The following RP1 variants were observed in gnomAD, a reference collection of about 807,000 sequenced individuals.
The protein encoded by RP1 is RP1 axonemal microtubule associated, also known as oxygen-regulated protein 1.
A neutral mutation model predicts 14.8 loss-of-function variants in RP1; 16 were observed. The observed-to-expected ratio is 1.08, with a 90% confidence interval of 0.73 to 1.65. RP1 has a LOEUF of 1.65. RP1 is among the 40% of genes most tolerant of loss of function. RP1 has a pLI of 0.00. For synonymous variants in RP1, 876 were observed against 883.6 expected (o/e 0.99, Z 0.15); for missense variants, 2,631 against 2,535.0 (o/e 1.04, Z -0.81).
At chr8:54,648,213 C>T (rs1290406171) in intron 3 of RP1, among the ~76,000 whole-genome samples, 5 of 152,104 alleles carry the variant, frequency 3.3e-5, no homozygotes, top group Non-Finnish European at 5.9e-5. Context: ...ATTACCTAGT[C>T]GCAGGTAGTA....
At chr8:54,801,986 G>A (rs1221932867) in intron 24 of RP1, among the ~76,000 whole-genome samples, 1 of 152,156 alleles carries the variant, frequency 6.6e-6, no homozygotes, top group African/African-American at 2.4e-5. Context: ...TGAATATTTA[G>A]ATGGGTAGTC....
At chr8:54,640,896 T>C (rs1806440568) in intron 3 of RP1, among the ~76,000 whole-genome samples, 1 of 152,134 alleles carries the variant, frequency 6.6e-6, no homozygotes. Flanking sequence ...TTGCTTGGAG[T>C]TTGATTTCCA....
intron 25 of RP1, among the ~76,000 whole-genome samples, chr8:54,846,781 G>A (rs1297203318): frequency 3.9e-5 from 6 of 152,178 alleles, no homozygotes; most frequent in Admixed American, 1.3e-4. Context: ...AGGTGCGAGG[G>A]CCACCTTCAG....
chr8:54,841,764 G>T (rs1003800672), intron 25 of RP1, among the ~76,000 whole-genome samples: 31 of 152,288 alleles, frequency 2.0e-4, no homozygotes, highest in Admixed American at 5.2e-4. Flanking sequence ...GATGCTTAGG[G>T]CTGATAAGAA....
chr8:54,790,118 A>G (rs1466025015), intron 24 of RP1, among the ~76,000 whole-genome samples: 2 of 152,222 alleles, frequency 1.3e-5, no homozygotes, highest in African/African-American at 4.8e-5. Flanking sequence ...TGTGGAGCCC[A>G]GCCAGTGGCT....
chr8:54,635,279 A>T (rs1806324781), downstream of RP1, among the ~76,000 whole-genome samples: 1 of 152,134 alleles, frequency 6.6e-6, no homozygotes. Context: ...AGTAGAAATC[A>T]TTTAGCTGCT....
At position 54,732,774 on chromosome 8, in the gene RP1, T is replaced by C. The variant is rs114545056; in HGVS notation, c.2522-1771T>C. Among the ~76,000 whole-genome samples, 663 of 152,312 alleles carry C rather than the reference T, an allele frequency of 4.4e-3. 3 individuals carry two copies. Among genetic ancestry groups the C allele is most frequent in the African/African-American group, 0.015 (630 of 41,576 alleles). ...GTGGCCAAATGTTCACATGTAACAC[T>C]GAGTTTTGAAAATTAGATCATGCCA... is the stretch of plus-strand genomic sequence containing the variant. On this transcript the variant is annotated intron_variant, in intron 17 of 22. Coordinates refer to the RP1 transcript ENST00000636932.
At chr8:54,753,852 T>C (rs1809435338) in intron 19 of RP1, among the ~76,000 whole-genome samples, 1 of 152,168 alleles carries the variant, frequency 6.6e-6, no homozygotes, top group Non-Finnish European at 1.5e-5. Flanking sequence ...CAGTGGGTTA[T>C]GGCAGCAAGC....
At chr8:54,822,873 AG>A (rs1811292439) in intron 24 of RP1, among the ~76,000 whole-genome samples, 4 of 152,222 alleles carry the variant, frequency 2.6e-5, no homozygotes, top group Admixed American at 2.6e-4. Flanking sequence ...TGAGACCTCT[AG>A]GTGGCTCTGC....
intron 18 of RP1, among the ~76,000 whole-genome samples, chr8:54,738,339 G>C (rs78700674): frequency 0.029 from 4,431 of 152,252 alleles, 128 homozygotes; most frequent in African/African-American, 0.065. Context: ...CCCAAAGCCA[G>C]TTCTCCACAA....
chr8:54,755,662 T>G, exon 21 of RP1: 6 of 1,536,044 alleles, frequency 3.9e-6, no homozygotes, highest in South Asian at 1.2e-5. Flanking sequence ...AGCTGAAGCA[T>G]GCAGAGACGG....
At chr8:54,682,784 C>CAG (rs769759746) in intron 12 of RP1, among the ~76,000 whole-genome samples, 7 of 152,082 alleles carry the variant, frequency 4.6e-5, no homozygotes, top group Non-Finnish European at 1.0e-4. Context: ...TTTTACTGTG[C>CAG]AGAAGCTCTT....
chr8:54,801,155 A>G lies in RP1; in HGVS notation c.3615+17445A>G, dbSNP rs141150896. Among the ~76,000 whole-genome samples, 401 of 152,264 alleles carry G rather than the reference A, an allele frequency of 2.6e-3. 2 individuals are homozygous for G. The highest frequency in any genetic ancestry group is 9.2e-3 in the African/African-American group (384 of 41,562). The stretch of plus-strand genomic sequence containing the variant: ...TTTAGGATATAGTCTAATTTGCCAG[A>G]GAGTGTTTCTCAATATTTGCTTCCC... On this transcript the variant is annotated intron_variant, in intron 24 of 28. Transcript: ENST00000637698.
At chr8:54,570,427 G>T (rs577679068) in intron 1 of RP1, among the ~76,000 whole-genome samples, 59 of 150,842 alleles carry the variant, frequency 3.9e-4, no homozygotes, top group Non-Finnish European at 6.8e-4. Context: ...CTTCTGGGTT[G>T]TAGTGATTCA....
At chr8:54,671,934 C>A (rs1807189735) in intron 7 of RP1, among the ~76,000 whole-genome samples, 1 of 152,088 alleles carries the variant, frequency 6.6e-6, no homozygotes, top group South Asian at 2.1e-4. Flanking sequence ...AGAAATACAA[C>A]CATACCTCAC....
At position 54,629,605 on chromosome 8, in the gene RP1, A is replaced by T. The variant is rs777087156; in HGVS notation, c.5723A>T (p.Asp1908Val). The T allele has an allele frequency of 1.9e-6, 3 of 1,613,884 alleles. No individual in the cohort carries two copies. Among genetic ancestry groups the T allele is most frequent in the Non-Finnish European group, 1.7e-6 (2 of 1,180,010 alleles). ...ACACTTCAGGAAGCTGACTCTTTGG[A>T]TAAACTGTATGCTCTTTGTGGTCAA... ...HGTLQEADSL[D>V]KLYALCGQHC... Residue 1908 changes from aspartate to valine, a missense_variant, in exon 4 of 4, where the codon GAT becomes GTT. By Grantham distance (152) the Asp-to-Val change is radical (BLOSUM62 -3). Coordinates refer to ENST00000220676, the MANE Select transcript of RP1 (RefSeq NM_006269.2).
downstream of RP1, among the ~76,000 whole-genome samples, chr8:54,773,326 G>T (rs940478426): frequency 2.6e-5 from 4 of 152,026 alleles, no homozygotes. Context: ...TTGCATTTTA[G>T]TGAGATGGCT....
In RP1 at chr8:54,630,811, T is replaced by A; in HGVS notation, c.*458T>A. Reference sequence around the variant, plus strand: ...TGATAAAAAGTATGATTATAAGATATCCACGACAATCTCATAGTTTCTTGT... The same window carrying A: ...TGATAAAAAGTATGATTATAAGATAACCACGACAATCTCATAGTTTCTTGT... On this transcript the variant is annotated 3_prime_UTR_variant, in exon 4 of 4. Coordinates refer to ENST00000220676, the MANE Select transcript of RP1 (RefSeq NM_006269.2). 4 of 999,484 alleles carry A rather than the reference T, an allele frequency of 4.0e-6. No homozygotes were observed. Among genetic ancestry groups the A allele is most frequent in the Non-Finnish European group, 4.8e-6 (4 of 838,756 alleles). 61.9% of individuals were successfully genotyped at this position (999,484 alleles called of 1,614,324 possible). A position where few individuals can be genotyped will look rare whatever the true frequency, so the allele number is the denominator to read the frequency against.
intron 6 of RP1, among the ~76,000 whole-genome samples, chr8:54,662,190 A>C (rs137928531): frequency 6.6e-6 from 1 of 152,114 alleles, no homozygotes; most frequent in Admixed American, 6.6e-5. Flanking sequence ...GGAATTTTAC[A>C]TATTATTATA....
Sources: gnomAD v4.1 joint callset for allele counts (sites outside exome capture counted in the v4.1 genomes callset) on GRCh38, gnomAD v4.1.1 for gene constraint, MANE v1.5 for transcripts, NCBI Gene and HGNC (gene_info 2026-07-23, HGNC 2026-07-21) for gene names.